The following OLFML2B variants were observed in gnomAD, a reference collection of about 807,000 sequenced individuals.
OLFML2B encodes the protein olfactomedin-like protein 2B.
A neutral mutation model predicts 74.9 loss-of-function variants in OLFML2B; 57 were observed. That is an observed-to-expected ratio of 0.76 (90% CI 0.61 to 0.95). OLFML2B has a LOEUF of 0.95. Among genes scored for constraint, OLFML2B ranks in the 40% least tolerant of loss-of-function variants. OLFML2B has a pLI of 0.00. For missense variants in OLFML2B, 986 were observed against 970.6 expected, an observed-to-expected ratio of 1.02 and a Z score of -0.21; for synonymous variants, 388 against 405.8, an observed-to-expected ratio of 0.96 and a Z score of 0.53.
Position 162,020,192 on chromosome 1 carries a change from C to T in OLFML2B, c.175-10G>A. The T allele has an allele frequency of 7.4e-6, 12 of 1,613,606 alleles. No homozygotes were observed. Among genetic ancestry groups the T allele is most frequent in the Non-Finnish European group, 1.0e-5 (12 of 1,179,606 alleles). ...CATAGTCCCCCAGCAACTAGACACA[C>T]AGAAAACGGGTTAGGGGCATGCAAA... On this transcript the variant is annotated splice_polypyrimidine_tract_variant and intron_variant, in intron 1 of 7. Coordinates refer to ENST00000294794, the MANE Select transcript of OLFML2B (RefSeq NM_015441.3).
In OLFML2B at chr1:162,020,016, C is replaced by T. The variant is rs767045452; in HGVS notation, c.341G>A (p.Cys114Tyr). 5.0e-6 allele frequency: 8 copies of T among 1,614,208 alleles called. No homozygotes were observed. Among genetic ancestry groups the T allele is most frequent in the Middle Eastern group, 3.3e-4 (2 of 6,062 alleles). ...TGGGGGTGCTACACAGGCACACTTG[C>T]ACGACGAGCCTGAGGTGATGGTTTC... ...TVETITSGSS[C>Y]KCACVAPPSA... The change falls in exon 2 of 8, where the codon TGC becomes TAC. Residue 114 changes from cysteine (C) to tyrosine (Y), a missense_variant. Cys to Tyr is a radical substitution (Grantham distance 194, BLOSUM62 -2). Coordinates refer to ENST00000294794, the MANE Select transcript of OLFML2B (RefSeq NM_015441.3).
At chr1:161,984,580 G>C (rs1256953338) in intron 7 of OLFML2B, among the ~76,000 whole-genome samples, 5 of 152,144 alleles carry the variant, frequency 3.3e-5, no homozygotes, top group African/African-American at 1.2e-4. Context: ...GGACTCGGAG[G>C]TTTTTCCATG....
intron 4 of OLFML2B, among the ~76,000 whole-genome samples, chr1:162,004,734 A>G (rs1357841980): frequency 6.6e-6 from 1 of 152,202 alleles, no homozygotes; most frequent in Non-Finnish European, 1.5e-5. Flanking sequence ...AGTCCTGCAC[A>G]GCAATGCTTC....
intron 6 of OLFML2B, among the ~76,000 whole-genome samples, chr1:161,988,987 C>A (rs950379567): frequency 2.0e-5 from 3 of 152,204 alleles, no homozygotes; most frequent in Non-Finnish European, 4.4e-5. Flanking sequence ...CTGATGTCCC[C>A]TTTCCCTTCA....
Position 161,983,969 on chromosome 1 carries a change from G to A in OLFML2B, c.1959C>T (p.Ala653=), listed in dbSNP as rs746677724. 1.3e-5 allele frequency: 21 copies of A among 1,614,094 alleles called. No individual in the cohort carries two copies. Among genetic ancestry groups the A allele is most frequent in the East Asian group, 2.2e-5 (1 of 44,896 alleles). ...QEVIVLSKLN[A]ADLSTQKETT... is the part of the protein sequence containing the mutation. ...TCTCCTTCTGTGTGCTCAGGTCCGC[G>A]GCATTGAGCTTGCTCAGGACAATGA... The change falls in exon 8 of 8, where the codon GCC becomes GCT. Residue 653 remains alanine, a synonymous_variant. Transcript: ENST00000294794.
intron 6 of OLFML2B, among the ~76,000 whole-genome samples, chr1:161,992,627 T>C (rs1475302892): frequency 6.6e-6 from 1 of 152,238 alleles, no homozygotes; most frequent in Non-Finnish European, 1.5e-5. Context: ...TGTAGGGTTA[T>C]TAATTGGCCT....
intron 6 of OLFML2B, among the ~76,000 whole-genome samples, chr1:161,990,289 A>C (rs1689698886): frequency 6.6e-6 from 1 of 152,240 alleles, no homozygotes; most frequent in Non-Finnish European, 1.5e-5. Context: ...TGCATTTAAA[A>C]CTAACATTGC....
intron 6 of OLFML2B, among the ~76,000 whole-genome samples, chr1:161,990,415 A>C (rs1053712657): frequency 1.3e-5 from 2 of 152,260 alleles, no homozygotes; most frequent in African/African-American, 4.8e-5. Context: ...GAATATCATA[A>C]TAAAGTGAGT....
chr1:162,013,995 G>A (rs768895338), intron 3 of OLFML2B, among the ~76,000 whole-genome samples: 2 of 151,172 alleles, frequency 1.3e-5, no homozygotes, highest in African/African-American at 2.4e-5. Context: ...TTACATTTAG[G>A]GATGCGTCCT....
At chr1:161,995,056 G>A (rs779687597) in intron 6 of OLFML2B, among the ~76,000 whole-genome samples, 27 of 152,218 alleles carry the variant, frequency 1.8e-4, no homozygotes, top group Non-Finnish European at 2.5e-4. Context: ...ATCACATCAC[G>A]GTCTTTCTTG....
chr1:161,992,944 T>C (rs1466240605), intron 6 of OLFML2B, among the ~76,000 whole-genome samples: 1 of 139,832 alleles, frequency 7.2e-6, no homozygotes, highest in East Asian at 2.1e-4. Context: ...TGACACAGCG[T>C]TGCCACAAAG....
rs144089301 is a variant in OLFML2B at position 161,997,890 on chromosome 1, C to T, written c.1409G>A (p.Trp470Ter). ...DSLGKDAPAG[W>*]GTTPASPTLS... ...CGTGGGGCTGGCAGGGGTTGTTCCCCACCCAGCAGGAGCATCTTTCCCCAG... is the reference window on the plus strand; with the variant it reads ...CGTGGGGCTGGCAGGGGTTGTTCCCTACCCAGCAGGAGCATCTTTCCCCAG... Residue 470 changes from tryptophan to a stop codon, truncating the protein, a stop_gained, in exon 6 of 8, where the codon TGG becomes TAG. Coordinates refer to ENST00000294794, the MANE Select transcript of OLFML2B (RefSeq NM_015441.3). LOFTEE classifies it low-confidence loss of function (ANC_ALLELE). 3.2e-5 allele frequency: 51 copies of T among 1,614,080 alleles called. No homozygotes were observed. Among genetic ancestry groups the T allele is most frequent in the South Asian group, 6.6e-5 (6 of 91,078 alleles).
chr1:162,021,944 T>C (rs968119506), intron 1 of OLFML2B, among the ~76,000 whole-genome samples: 1 of 152,124 alleles, frequency 6.6e-6, no homozygotes, highest in Non-Finnish European at 1.5e-5. Context: ...ATTAGCATCA[T>C]TATTAAAGGA....
At chr1:162,012,172 T>C (rs1361993718) in intron 3 of OLFML2B, among the ~76,000 whole-genome samples, 1 of 152,102 alleles carries the variant, frequency 6.6e-6, no homozygotes, top group Non-Finnish European at 1.5e-5. Context: ...GTGAAATGAC[T>C]TACAGCAAAC....
At chr1:161,988,401 T>C (rs1016081166) in intron 6 of OLFML2B, among the ~76,000 whole-genome samples, 1 of 152,136 alleles carries the variant, frequency 6.6e-6, no homozygotes, top group East Asian at 1.9e-4. Context: ...CCCAGTAGGG[T>C]CCTTGGGCGT....
intron 6 of OLFML2B, among the ~76,000 whole-genome samples, chr1:161,994,346 G>A (rs1346909812): frequency 6.6e-6 from 1 of 152,254 alleles, no homozygotes; most frequent in Non-Finnish European, 1.5e-5. Context: ...GGCACAGCTG[G>A]CCAAGCCTCG....
At chr1:162,022,855 A>G (rs1042396380) in intron 1 of OLFML2B, among the ~76,000 whole-genome samples, 1 of 152,100 alleles carries the variant, frequency 6.6e-6, no homozygotes. Flanking sequence ...CCTCTGCCAT[A>G]AAGTATCTCC....
chr1:161,999,151 G>C (rs1031325693), intron 5 of OLFML2B, among the ~76,000 whole-genome samples: 2 of 152,188 alleles, frequency 1.3e-5, no homozygotes, highest in Non-Finnish European at 2.9e-5. Flanking sequence ...GCAGGATTTT[G>C]AGCAGAGATG....
intron 1 of OLFML2B, among the ~76,000 whole-genome samples, chr1:162,021,152 G>C (rs1690694048): frequency 6.6e-6 from 1 of 152,226 alleles, no homozygotes. Flanking sequence ...TTTAATCTGG[G>C]CCTTGAAGGA....
Sources: allele counts gnomAD v4.1 joint callset (sites outside exome capture counted in the v4.1 genomes callset), GRCh38; gene constraint gnomAD v4.1.1; transcripts MANE v1.5; gene names NCBI Gene and HGNC (gene_info 2026-07-23, HGNC 2026-07-21).